HEATR5A: variants seen among roughly 807,000 people sequenced by gnomAD.
The protein encoded by HEATR5A is HEAT repeat containing 5A, also known as HEAT repeat-containing protein 5A.
HEATR5A carries 178 observed loss-of-function variants against 218.8 expected under a neutral mutation model. That is an observed-to-expected ratio of 0.81 (90% CI 0.72 to 0.92). HEATR5A has a LOEUF of 0.92. Ranked by LOEUF, HEATR5A falls within the 40% of genes least tolerant of loss-of-function variation. The probability of loss-of-function intolerance (pLI) is 0.00; values close to 1 mark genes in which losing one functional copy is unlikely to be tolerated. For synonymous variants in HEATR5A, 864 were observed against 871.6 expected, an observed-to-expected ratio of 0.99 and a Z score of 0.15; for missense variants, 2,420 against 2,418.9, an observed-to-expected ratio of 1.00 and a Z score of -0.01.
intron 22 of HEATR5A, among the ~76,000 whole-genome samples, chr14:31,334,629 G>A (rs1900587990): frequency 6.6e-6 from 1 of 152,166 alleles, no homozygotes; most frequent in Admixed American, 6.6e-5. Context: ...AATGGATATG[G>A]CAAACTTCAT....
rs765092696 is a variant in HEATR5A, at chr14:31,358,986, T to C, written c.2143A>G (p.Thr715Ala). 1.3e-6 allele frequency: 2 copies of C among 1,589,746 alleles called. No homozygotes were observed. The highest frequency in any genetic ancestry group is 1.7e-6 in the Non-Finnish European group (2 of 1,174,454). ...TAPDIQVAAS[T>A]FLLPPLCHQD... ...TGACAGAGGGGTGGAAGTAAAAATG[T>C]AGATGCTGCCACCTGAATATCAGGG... The change falls in exon 15 of 36, where the codon ACA becomes GCA. Residue 715 changes from threonine to alanine, a missense_variant. Physicochemically the swap from Thr to Ala is moderately conservative, Grantham distance 58. Coordinates refer to ENST00000543095, the MANE Select transcript of HEATR5A (RefSeq NM_015473.4).
intron 23 of HEATR5A, among the ~76,000 whole-genome samples, chr14:31,325,520 G>GT (rs1027876079): frequency 1.3e-5 from 2 of 151,660 alleles, no homozygotes; most frequent in African/African-American, 4.8e-5. Flanking sequence ...ATGTATGTAT[G>GT]TATGTAGAGA....
chr14:31,404,584 A>G (rs998553060), intron 1 of HEATR5A, among the ~76,000 whole-genome samples: 9 of 152,160 alleles, frequency 5.9e-5, no homozygotes, highest in African/African-American at 2.2e-4. Flanking sequence ...TGGGGCTAAC[A>G]TTTAAACATA....
chr14:31,361,728 A>G (rs1282410003), intron 14 of HEATR5A, among the ~76,000 whole-genome samples: 1 of 152,192 alleles, frequency 6.6e-6, no homozygotes, highest in African/African-American at 2.4e-5. Context: ...CCATACCAAA[A>G]CTAAGACAGG....
At position 31,344,101 on chromosome 14, in the gene HEATR5A, C is replaced by G. The variant is rs768820062; in HGVS notation, c.3059-36G>C. The G allele has an allele frequency of 1.0e-5, 13 of 1,276,678 alleles. No individual in the cohort carries two copies. In the African/African-American group the frequency reaches 1.8e-4, roughly 18 times the overall value. The allele number at this position is 1,276,678 out of a possible 1,614,324, so 79.1% of individuals were successfully genotyped here. On this transcript the variant is annotated intron_variant, in intron 20 of 35. Coordinates refer to ENST00000543095, the MANE Select transcript of HEATR5A (RefSeq NM_015473.4). ...AAGCAGAAAGCTTTTAATAATTGGC[C>G]TATAAAAACATTACTCTTTAAACAT... is the stretch of plus-strand genomic sequence containing the variant.
At chr14:31,336,389 T>G (rs991039977) in intron 22 of HEATR5A, among the ~76,000 whole-genome samples, 4 of 151,534 alleles carry the variant, frequency 2.6e-5, no homozygotes, top group African/African-American at 7.3e-5. Context: ...CTAGTGTGTC[T>G]GGCCCCCAGG....
chr14:31,388,604 T>C (rs1442177608), intron 7 of HEATR5A, among the ~76,000 whole-genome samples: 2 of 152,188 alleles, frequency 1.3e-5, no homozygotes, highest in African/African-American at 4.8e-5. Context: ...AAAATCTTTG[T>C]GTTTCAAAGA....
At chr14:31,321,723 A>T (rs933757551) in intron 24 of HEATR5A, 43 bp from the exon 25 acceptor site, 6 of 1,418,442 alleles carry the variant, frequency 4.2e-6, no homozygotes, top group Admixed American at 5.0e-5. Flanking sequence ...AAGATTAGAA[A>T]ATATCAAAAA....
rs531002992 is a variant in HEATR5A at position 31,380,888 on chromosome 14, G to A, written c.1597-310C>T. Among the ~76,000 whole-genome samples, 12 of 152,226 alleles carry A rather than the reference G, an allele frequency of 7.9e-5. No homozygotes were observed. The South Asian group carries it at 1.9e-3, about 24-fold the overall frequency. On this transcript the variant is annotated intron_variant, in intron 10 of 35. Coordinates refer to ENST00000543095, the MANE Select transcript of HEATR5A (RefSeq NM_015473.4). ...AGAATTTGAATTTACTTTTAGTTTT[G>A]AGCAACTATCCTTTTAAATCCATAA...
At chr14:31,353,316 A>G (rs1272345024) in intron 16 of HEATR5A, among the ~76,000 whole-genome samples, 1 of 152,248 alleles carries the variant, frequency 6.6e-6, no homozygotes, top group Admixed American at 6.5e-5. Context: ...TGGTTTTACT[A>G]TAATAGTATT....
intron 1 of HEATR5A, among the ~76,000 whole-genome samples, chr14:31,405,759 T>C (rs2031039970): frequency 1.3e-5 from 2 of 152,184 alleles, no homozygotes; most frequent in South Asian, 4.1e-4. Flanking sequence ...CAGAATCAAA[T>C]TACCCTTTCT....
rs1398746193 is a variant in HEATR5A, at chr14:31,349,785, T to C, written c.2708+4A>G. On this transcript the variant is annotated splice_donor_region_variant and intron_variant, in intron 18 of 35. Coordinates refer to ENST00000543095, the MANE Select transcript of HEATR5A (RefSeq NM_015473.4). ...TCTGAATATTAAATAAGAAATTCAC[T>C]TACTTGTCAAAGCTAACTTGAGCTA... The C allele has an allele frequency of 1.2e-6, 2 of 1,602,346 alleles. No individual in the cohort carries two copies. The highest frequency in any genetic ancestry group is 1.7e-6 in the Non-Finnish European group (2 of 1,170,264).
At chr14:31,378,683 G>C (rs1453093828) in intron 11 of HEATR5A, among the ~76,000 whole-genome samples, 1 of 151,420 alleles carries the variant, frequency 6.6e-6, no homozygotes, top group Non-Finnish European at 1.5e-5. Flanking sequence ...AGCTACTCGG[G>C]AGGCTGAGGC....
In HEATR5A at chr14:31,380,471, T is replaced by C. The variant is rs2029935195; in HGVS notation, c.1704A>G (p.Thr568=). The C allele has an allele frequency of 6.3e-7, 1 of 1,596,674 alleles. No individual in the cohort carries two copies. Among genetic ancestry groups the C allele is most frequent in the Non-Finnish European group, 8.6e-7 (1 of 1,168,964 alleles). ...AAACCTTCTACAGACTGTTACCTAA[T>C]GTCATCAGAGCAGAAATCAGCAACC... ...AGWLLISALM[T]LGPAVVSHHL... is the part of the protein sequence containing the mutation. The change falls in exon 11 of 36, where the codon ACA becomes ACG. Residue 568 remains threonine (T), a synonymous_variant. Transcript: ENST00000543095.
chr14:31,345,030 T>A, intron 20 of HEATR5A, 57 bp downstream of exon 20: 2 of 1,428,432 alleles, frequency 1.4e-6, no homozygotes, highest in South Asian at 2.5e-5. Flanking sequence ...AGGAACTGAA[T>A]TCACTTTTAT....
At position 31,394,132 on chromosome 14, in the gene HEATR5A, T is replaced by C. The variant is rs2030558569; in HGVS notation, c.692A>G (p.Asn231Ser). Residue 231 changes from asparagine (N) to serine (S), a missense_variant, in exon 6 of 36, where the codon AAT (asparagine) becomes AGT (serine). Physicochemically the swap from Asn to Ser is conservative, Grantham distance 46. Coordinates refer to ENST00000543095, the MANE Select transcript of HEATR5A (RefSeq NM_015473.4). The part of the protein sequence containing the change: ...TLCFKSFEGS[N>S]YDVRISVSKL... ...TGAAACAGAAATCCGCACATCATAATTGGAACCTTCAAAGGACTTAAAACA... is the reference window on the plus strand; with the variant it reads ...TGAAACAGAAATCCGCACATCATAACTGGAACCTTCAAAGGACTTAAAACA... 3 of 1,535,100 alleles carry C rather than the reference T, an allele frequency of 2.0e-6. No individual in the cohort carries two copies. Among genetic ancestry groups the C allele is most frequent in the Non-Finnish European group, 8.7e-7 (1 of 1,145,994 alleles).
At chr14:31,335,060 CA>C (rs1900608605) in intron 22 of HEATR5A, among the ~76,000 whole-genome samples, 1 of 152,026 alleles carries the variant, frequency 6.6e-6, no homozygotes. Flanking sequence ...CCTCTACCAG[CA>C]AAAAGATTAT....
chr14:31,332,259 C>T (rs141084356), intron 22 of HEATR5A, among the ~76,000 whole-genome samples: 1 of 152,328 alleles, frequency 6.6e-6, no homozygotes, highest in African/African-American at 2.4e-5. Flanking sequence ...TGGAGTGCCA[C>T]AAACTATGCC....
intron 27 of HEATR5A, among the ~76,000 whole-genome samples, chr14:31,314,802 C>G (rs1413294866): frequency 6.6e-6 from 1 of 152,154 alleles, no homozygotes. Flanking sequence ...TAAAATACCT[C>G]TACTGGAGGA....
Sources: gnomAD v4.1 joint callset for allele counts (sites outside exome capture counted in the v4.1 genomes callset) on GRCh38, gnomAD v4.1.1 for gene constraint, MANE v1.5 for transcripts, NCBI Gene and HGNC (gene_info 2026-07-23, HGNC 2026-07-21) for gene names.